ADGRV1: variants seen among roughly 807,000 people sequenced by gnomAD.
ADGRV1 encodes G-protein coupled receptor 98.
In ADGRV1, 359 loss-of-function variants were observed where a neutral mutation model predicts 596.2. That is an observed-to-expected ratio of 0.60 (90% CI 0.55 to 0.66). The LOEUF (loss-of-function observed/expected upper bound fraction) is 0.66, where lower values mean the gene tolerates loss of function less well. Ranked by LOEUF, ADGRV1 falls within the 30% of genes least tolerant of loss-of-function variation. ADGRV1 has a pLI of 0.00. For synonymous variants in ADGRV1, 2,681 were observed against 2,679.2 expected (o/e 1.00, Z -0.02); for missense variants, 7,274 against 7,575.6 (o/e 0.96, Z 1.48).
At chr5:90,872,764 T>C (rs1768816593) in intron 83 of ADGRV1, among the ~76,000 whole-genome samples, 1 of 152,100 alleles carries the variant, frequency 6.6e-6, no homozygotes, top group South Asian at 2.1e-4. Flanking sequence ...CATAACCCCT[T>C]CTCCACCCCT....
intron 84 of ADGRV1, among the ~76,000 whole-genome samples, chr5:90,974,284 T>C (rs1237258925): frequency 2.0e-5 from 3 of 150,552 alleles, no homozygotes; most frequent in Non-Finnish European, 4.4e-5. Flanking sequence ...CCAAGGTAAT[T>C]TATAGATTCA....
chr5:90,959,962 A>AT (rs1777841593), intron 83 of ADGRV1, among the ~76,000 whole-genome samples: 1 of 151,924 alleles, frequency 6.6e-6, no homozygotes, highest in Non-Finnish European at 1.5e-5. Context: ...ACACGGTGAA[A>AT]CCCCGTCTCT....
chr5:90,780,141 TACTG>T (rs1168343138), intron 64 of ADGRV1: 2 of 152,212 alleles, frequency 1.3e-5, no homozygotes, highest in Non-Finnish European at 1.5e-5. Context: ...ATATTTGTGT[TACTG>T]ACCAGCTAGA....
intron 83 of ADGRV1, among the ~76,000 whole-genome samples, chr5:90,926,969 T>G (rs1334667621): frequency 2.6e-5 from 4 of 151,858 alleles, no homozygotes; most frequent in Non-Finnish European, 4.4e-5. Flanking sequence ...AATCCTGAGT[T>G]CTAGTTTGAT....
At chr5:90,850,537 T>A (rs912320170) in intron 79 of ADGRV1, 1 of 151,970 alleles carries the variant, frequency 6.6e-6, no homozygotes, top group African/African-American at 2.4e-5. Context: ...CAGTATGCAT[T>A]TGTGTGTGTG....
intron 84 of ADGRV1, among the ~76,000 whole-genome samples, chr5:90,981,615 A>T (rs900641901): frequency 6.6e-6 from 1 of 152,164 alleles, no homozygotes; most frequent in African/African-American, 2.4e-5. Context: ...TGATGGGATG[A>T]CATCCTGTCC....
intron 34 of ADGRV1, among the ~76,000 whole-genome samples, chr5:90,699,200 G>A (rs959065654): frequency 2.0e-5 from 3 of 152,106 alleles, no homozygotes; most frequent in African/African-American, 7.2e-5. Context: ...TTTTGTTTGC[G>A]TTAGTTTTTT....
intron 75 of ADGRV1, among the ~76,000 whole-genome samples, chr5:90,820,511 C>T (rs1003286860): frequency 5.9e-5 from 9 of 151,922 alleles, no homozygotes; most frequent in South Asian, 2.1e-4. Context: ...TTCTTAGTCT[C>T]GATGGTCTTT....
chr5:90,831,258 CAT>C (rs572857334), intron 77 of ADGRV1, among the ~76,000 whole-genome samples: 10 of 151,046 alleles, frequency 6.6e-5, no homozygotes, highest in South Asian at 6.3e-4. Flanking sequence ...CACACACACA[CAT>C]ACGTATATAT....
chr5:90,938,320 T>G (rs1775886572), intron 83 of ADGRV1, among the ~76,000 whole-genome samples: 1 of 152,244 alleles, frequency 6.6e-6, no homozygotes, highest in African/African-American at 2.4e-5. Flanking sequence ...AAAGTTTACT[T>G]TGAATTAACT....
chr5:90,897,477 A>G (rs1423888739), intron 83 of ADGRV1, among the ~76,000 whole-genome samples: 1 of 152,202 alleles, frequency 6.6e-6, no homozygotes, highest in African/African-American at 2.4e-5. Context: ...GTAGAATTAA[A>G]TTTATTATAT....
chr5:90,862,202 G>A (rs949616781), intron 82 of ADGRV1, among the ~76,000 whole-genome samples: 5 of 152,150 alleles, frequency 3.3e-5, no homozygotes, highest in African/African-American at 7.2e-5. Context: ...CTAGAAAAAA[G>A]TTGACTTGTG....
chr5:91,071,868 G>A (rs1431360156), intron 85 of ADGRV1, among the ~76,000 whole-genome samples: 1 of 151,812 alleles, frequency 6.6e-6, no homozygotes, highest in African/African-American at 2.4e-5. Flanking sequence ...GTAGAGACGG[G>A]GCTTCACCAT....
intron 85 of ADGRV1, 23 bp from the exon 86 acceptor site, chr5:91,072,424 A>G (rs1227731466): frequency 9.5e-6 from 15 of 1,571,444 alleles, no homozygotes; most frequent in South Asian, 2.2e-5. Flanking sequence ...TGTCTGAGTT[A>G]CTTCTTCTCA....
intron 21 of ADGRV1, among the ~76,000 whole-genome samples, chr5:90,669,304 A>G (rs1772082866): frequency 1.3e-5 from 2 of 152,296 alleles, no homozygotes; most frequent in Middle Eastern, 6.8e-3. Flanking sequence ...CTTCTGTCCA[A>G]CATCTTAAGG....
chr5:91,041,456 G>A (rs1423699775), intron 85 of ADGRV1, among the ~76,000 whole-genome samples: 3 of 151,960 alleles, frequency 2.0e-5, no homozygotes, highest in African/African-American at 7.3e-5. Flanking sequence ...TGGACACAGG[G>A]AGGGGAACAT....
intron 1 of ADGRV1, among the ~76,000 whole-genome samples, chr5:90,566,195 TG>T (rs1454747167): frequency 6.6e-6 from 1 of 152,188 alleles, no homozygotes; most frequent in Non-Finnish European, 1.5e-5. Context: ...AACTTTCCTT[TG>T]GTTGCTTATA....
In ADGRV1 at chr5:90,757,164, A is replaced by G. The variant is rs112496894; in HGVS notation, c.11940+3A>G. 2.5e-6 allele frequency: 4 copies of G among 1,613,222 alleles called. No individual in the cohort carries two copies. The highest frequency in any genetic ancestry group is 1.3e-5 in the African/African-American group (1 of 75,064). On this transcript the variant is annotated splice_donor_region_variant and intron_variant, in intron 57 of 89. Transcript: ENST00000405460. ...TTCTTGAATTTGCAGATAAACAGGT[A>G]TGCCAGTCATTAACATATTAGCCTT...
In ADGRV1 at chr5:90,854,107, A is replaced by G. The variant is rs1185052528; in HGVS notation, c.17500A>G (p.Asn5834Asp). Residue 5834 changes from asparagine (N) to aspartate (D), a missense_variant, in exon 81 of 90, where the codon AAT becomes GAT. Asn to Asp is a conservative substitution (Grantham distance 23, BLOSUM62 1). Around this residue, in one of 5 missense-constraint regions of ADGRV1, gnomAD observed 1,874 missense variants for 1,970.2 expected, o/e 0.95. Coordinates refer to ENST00000405460, the MANE Select transcript of ADGRV1 (RefSeq NM_032119.4). Reference sequence around the variant, plus strand: ...AGGTCAGAGTTCACAACTCCTGACTAATGACAATGAGGTTCTCTACAGGAT... The same window carrying G: ...AGGTCAGAGTTCACAACTCCTGACTGATGACAATGAGGTTCTCTACAGGAT... Reference protein sequence around the residue: ...VKGQSSQLLTNDNEVLYRIYA... With the variant: ...VKGQSSQLLTDDNEVLYRIYA... 1 of 1,583,164 alleles carries G rather than the reference A, an allele frequency of 6.3e-7. No homozygotes were observed.
Sources: allele counts gnomAD v4.1 joint callset (sites outside exome capture counted in the v4.1 genomes callset), GRCh38; gene constraint gnomAD v4.1.1; regional missense constraint gnomAD v4.1.1; transcripts MANE v1.5; gene names NCBI Gene and HGNC (gene_info 2026-07-23, HGNC 2026-07-21).